The following NCKAP5 variants were observed in gnomAD, a reference collection of about 807,000 sequenced individuals.
NCKAP5 encodes the protein NCK associated protein 5.
NCKAP5 carries 92 observed loss-of-function variants against 167.0 expected under a neutral mutation model. That is an observed-to-expected ratio of 0.55 (90% CI 0.47 to 0.66). NCKAP5 has a LOEUF of 0.66. Among genes scored for constraint, NCKAP5 ranks in the 30% least tolerant of loss-of-function variants. The probability of loss-of-function intolerance (pLI) is 0.00; values close to 1 mark genes in which losing one functional copy is unlikely to be tolerated. For missense variants in NCKAP5, 2,378 were observed against 2,315.0 expected (o/e 1.03, Z -0.56); for synonymous variants, 891 against 877.4 (o/e 1.02, Z -0.27).
At chr2:133,590,935 G>T in the NCKAP5 span, among the ~76,000 whole-genome samples, 1 of 136,018 alleles carries the variant, frequency 7.4e-6, no homozygotes. Flanking sequence ...GTGAGAGAGA[G>T]AGAGAGAGAG....
chr2:133,436,871 C>T (rs550420675), intron 3 of NCKAP5, among the ~76,000 whole-genome samples: 1 of 152,172 alleles, frequency 6.6e-6, no homozygotes, highest in East Asian at 1.9e-4. Flanking sequence ...TGGTTTATAC[C>T]TGCTGTCTCC....
At chr2:133,038,796 A>C (rs1368693976) in intron 6 of NCKAP5, among the ~76,000 whole-genome samples, 1 of 152,134 alleles carries the variant, frequency 6.6e-6, no homozygotes, top group Non-Finnish European at 1.5e-5. Flanking sequence ...AAATAAAATC[A>C]AAGGTTAAAA....
At chr2:133,258,007 G>A (rs1420860506) in intron 4 of NCKAP5, among the ~76,000 whole-genome samples, 1 of 152,196 alleles carries the variant, frequency 6.6e-6, no homozygotes, top group Non-Finnish European at 1.5e-5. Flanking sequence ...AGTGCAGGAA[G>A]CGCTAAAGAC....
intron 3 of NCKAP5, among the ~76,000 whole-genome samples, chr2:133,388,608 T>G (rs868645933): frequency 7.2e-5 from 11 of 152,336 alleles, no homozygotes; most frequent in Middle Eastern, 3.4e-3. Flanking sequence ...TGCTGCCTTT[T>G]GTTCAGCTAT....
At chr2:133,620,729 C>T in the NCKAP5 span, among the ~76,000 whole-genome samples, 1 of 152,112 alleles carries the variant, frequency 6.6e-6, no homozygotes, top group Non-Finnish European at 1.5e-5. Context: ...GGAAAGTCAA[C>T]AAAGAAACAA....
intron 5 of NCKAP5, among the ~76,000 whole-genome samples, chr2:133,181,849 C>G (rs909901887): frequency 4.6e-5 from 7 of 151,884 alleles, no homozygotes; most frequent in South Asian, 2.1e-4. Context: ...ATGACAGACA[C>G]AAGTAAGTGC....
chr2:132,862,704 C>T (rs1326877861), intron 10 of NCKAP5, among the ~76,000 whole-genome samples: 1 of 149,602 alleles, frequency 6.7e-6, no homozygotes, highest in Non-Finnish European at 1.5e-5. Context: ...AGATTGCCGT[C>T]AGCCGAGATC....
chr2:132,675,083 C>A (rs541141474), intron 19 of NCKAP5, among the ~76,000 whole-genome samples: 1 of 152,152 alleles, frequency 6.6e-6, no homozygotes, highest in African/African-American at 2.4e-5. Context: ...ATTTAAGAAC[C>A]ACAAGTATTT....
chr2:133,661,984 A>T, the NCKAP5 span, among the ~76,000 whole-genome samples: 1 of 152,160 alleles, frequency 6.6e-6, no homozygotes, highest in Non-Finnish European at 1.5e-5. Context: ...TTGTCAAAAA[A>T]AAAATGTGGG....
At chr2:132,824,823 C>G (rs1015580714) in intron 11 of NCKAP5, among the ~76,000 whole-genome samples, 4 of 152,176 alleles carry the variant, frequency 2.6e-5, no homozygotes, top group Non-Finnish European at 5.9e-5. Flanking sequence ...GCTGGTCCAT[C>G]AGCAAGGTCT....
At chr2:132,806,367 T>A (rs1337503635) in intron 11 of NCKAP5, among the ~76,000 whole-genome samples, 1 of 152,172 alleles carries the variant, frequency 6.6e-6, no homozygotes, top group African/African-American at 2.4e-5. Flanking sequence ...TCCATAGTGG[T>A]TGTACTAGTT....
intron 4 of NCKAP5, among the ~76,000 whole-genome samples, chr2:133,292,842 C>T (rs1411582126): frequency 6.6e-6 from 1 of 152,092 alleles, no homozygotes; most frequent in Non-Finnish European, 1.5e-5. Flanking sequence ...AATTTTATAT[C>T]TTTGTTGGTT....
At chr2:132,695,047 G>A (rs1342443496) in intron 19 of NCKAP5, among the ~76,000 whole-genome samples, 2 of 152,160 alleles carry the variant, frequency 1.3e-5, no homozygotes, top group Non-Finnish European at 2.9e-5. Flanking sequence ...TAGAAGGAAG[G>A]AGTGAATGAG....
chr2:133,601,436 A>G, the NCKAP5 span, among the ~76,000 whole-genome samples: 1 of 152,142 alleles, frequency 6.6e-6, no homozygotes, highest in Non-Finnish European at 1.5e-5. Context: ...CAATTTTTTA[A>G]AATTCTACCT....
At chr2:132,674,140 A>G (rs754608811) in intron 19 of NCKAP5, among the ~76,000 whole-genome samples, 6 of 152,218 alleles carry the variant, frequency 3.9e-5, no homozygotes, top group Non-Finnish European at 7.3e-5. Flanking sequence ...AAGTGTCTAC[A>G]ATATTTCTCA....
chr2:133,082,166 T>G (rs2080832692), intron 6 of NCKAP5, among the ~76,000 whole-genome samples: 1 of 152,068 alleles, frequency 6.6e-6, no homozygotes, highest in Admixed American at 6.6e-5. Context: ...GTTAATTTGC[T>G]TAGGATAAGA....
At chr2:133,379,679 T>A (rs1184433520) in intron 3 of NCKAP5, among the ~76,000 whole-genome samples, 1 of 152,188 alleles carries the variant, frequency 6.6e-6, no homozygotes. Flanking sequence ...GCCTGACACA[T>A]AGTAGGTTTT....
At chr2:133,513,573 T>A (rs914935926) in intron 3 of NCKAP5, among the ~76,000 whole-genome samples, 1 of 152,220 alleles carries the variant, frequency 6.6e-6, no homozygotes, top group African/African-American at 2.4e-5. Context: ...GCTTGTTGAC[T>A]GATTGTGTTA....
chr2:133,133,027 G>C (rs1365830595), intron 5 of NCKAP5, among the ~76,000 whole-genome samples: 1 of 152,112 alleles, frequency 6.6e-6, no homozygotes, highest in African/African-American at 2.4e-5. Flanking sequence ...AGTATCAATA[G>C]ATTGGCTATT....
Sources: allele counts gnomAD v4.1 joint callset (sites outside exome capture counted in the v4.1 genomes callset), GRCh38; gene constraint gnomAD v4.1.1; transcripts MANE v1.5; gene names NCBI Gene and HGNC (gene_info 2026-07-23, HGNC 2026-07-21).